The following CTNND2 variants were observed in gnomAD, a reference collection of about 807,000 sequenced individuals.
The protein encoded by CTNND2 is catenin delta 2.
CTNND2 carries 22 observed loss-of-function variants against 144.4 expected under a neutral mutation model. The observed-to-expected ratio is 0.15, with a 90% CI of 0.11 to 0.22. The LOEUF (loss-of-function observed/expected upper bound fraction) is 0.22. CTNND2 is among the 10% of genes least tolerant of loss of function. The pLI is 1.00. For synonymous variants in CTNND2, 751 were observed against 695.6 expected, an observed-to-expected ratio of 1.08 and a Z score of -1.25; for missense variants, 1,353 against 1,618.8, an observed-to-expected ratio of 0.84 and a Z score of 2.82.
chr5:11,233,915 C>T (rs75282991), intron 10 of CTNND2, among the ~76,000 whole-genome samples: 257 of 152,220 alleles, frequency 1.7e-3, no homozygotes, highest in African/African-American at 5.8e-3. Context: ...GATCAGGGTG[C>T]GCACTCAGTC....
chr5:11,374,725 A>G (rs910862323), intron 7 of CTNND2, among the ~76,000 whole-genome samples: 1 of 150,210 alleles, frequency 6.7e-6, no homozygotes, highest in East Asian at 2.0e-4. Context: ...ATTATGGATC[A>G]CTACGAATAT....
intron 10 of CTNND2, among the ~76,000 whole-genome samples, chr5:11,225,322 AC>A (rs1459061101): frequency 1.3e-5 from 2 of 151,420 alleles, no homozygotes; most frequent in African/African-American, 4.9e-5. Context: ...AAAATCCTCT[AC>A]TCCCCTCTGT....
intron 9 of CTNND2, among the ~76,000 whole-genome samples, 197 bp downstream of exon 9, chr5:11,346,175 T>C (rs909828992): frequency 1.3e-5 from 2 of 152,144 alleles, no homozygotes; most frequent in Non-Finnish European, 2.9e-5. Flanking sequence ...ATCATCTCTG[T>C]TTTTGGTGAT....
chr5:11,718,303 T>C (rs1053290129), intron 2 of CTNND2, among the ~76,000 whole-genome samples: 20 of 152,184 alleles, frequency 1.3e-4, no homozygotes, highest in African/African-American at 4.3e-4. Context: ...TAGAGTCTCC[T>C]ATCCCACCTT....
chr5:11,837,551 T>C (rs953132718), intron 1 of CTNND2, among the ~76,000 whole-genome samples: 1 of 152,164 alleles, frequency 6.6e-6, no homozygotes, highest in Non-Finnish European at 1.5e-5. Context: ...AGCTGGACAA[T>C]CACACCACTG....
chr5:11,042,908 G>T (rs1435949790), intron 16 of CTNND2, among the ~76,000 whole-genome samples: 1 of 152,084 alleles, frequency 6.6e-6, no homozygotes, highest in Admixed American at 6.5e-5. Flanking sequence ...CAAAAGCCTT[G>T]TCCCCCTTAT....
In CTNND2 at chr5:11,332,396, C is replaced by T. The variant is rs555354354; in HGVS notation, c.1628+13976G>A. Among the ~76,000 whole-genome samples the T allele has an allele frequency of 4.6e-5, 7 of 152,126 alleles. No homozygotes were observed. In the South Asian group the frequency reaches 1.0e-3, roughly 23 times the overall value. On this transcript the variant is annotated intron_variant, in intron 9 of 21. Coordinates refer to ENST00000304623, the MANE Select transcript of CTNND2 (RefSeq NM_001332.4). ...CCTCCCTGGGGATTCATCTCCTGCT[C>T]GTCCATGCAGCCTTGGTTTCTGTCT...
intron 2 of CTNND2, among the ~76,000 whole-genome samples, chr5:11,649,122 AT>A (rs1782514856): frequency 6.6e-6 from 1 of 152,192 alleles, no homozygotes; most frequent in African/African-American, 2.4e-5. Context: ...GGGTCAAAGC[AT>A]TGTATTAACA....
chr5:11,383,974 C>A (rs1336253328), intron 7 of CTNND2, among the ~76,000 whole-genome samples: 5 of 152,140 alleles, frequency 3.3e-5, no homozygotes, highest in Non-Finnish European at 7.3e-5. Flanking sequence ...GTTTCTCTCC[C>A]CAAGCCCAGC....
chr5:11,526,605 G>C (rs1160199746), intron 3 of CTNND2, among the ~76,000 whole-genome samples: 3 of 152,128 alleles, frequency 2.0e-5, no homozygotes, highest in Non-Finnish European at 4.4e-5. Flanking sequence ...TTCTAAACAT[G>C]TCTAAGCATT....
intron 13 of CTNND2, among the ~76,000 whole-genome samples, 180 bp from the exon 14 acceptor site, chr5:11,111,223 G>A (rs1409513412): frequency 6.6e-6 from 1 of 152,184 alleles, no homozygotes; most frequent in Non-Finnish European, 1.5e-5. Context: ...ACTTAGAAAG[G>A]TCTTAGGACC....
chr5:11,792,442 A>C (rs1194462074), intron 1 of CTNND2, among the ~76,000 whole-genome samples: 1 of 152,234 alleles, frequency 6.6e-6, no homozygotes, highest in Non-Finnish European at 1.5e-5. Flanking sequence ...AGTAATTCAA[A>C]AGTATTGGTT....
chr5:10,975,334 G>A (rs1455569811), intron 21 of CTNND2, among the ~76,000 whole-genome samples: 1 of 152,010 alleles, frequency 6.6e-6, no homozygotes, highest in African/African-American at 2.4e-5. Context: ...TGTTCAGCAG[G>A]GCACCCTATT....
intron 17 of CTNND2, among the ~76,000 whole-genome samples, chr5:11,018,639 G>C (rs555341482): frequency 1.4e-3 from 208 of 151,720 alleles, no homozygotes; most frequent in Non-Finnish European, 2.3e-3. Flanking sequence ...TGAGTGGTTT[G>C]GATAAAAGAT....
chr5:10,983,779 T>C (rs1737592263), intron 20 of CTNND2, among the ~76,000 whole-genome samples: 1 of 152,136 alleles, frequency 6.6e-6, no homozygotes, highest in Admixed American at 6.5e-5. Context: ...GGGTTCTGTC[T>C]CTTTCTCTGC....
chr5:11,531,974 A>G (rs181281822), intron 3 of CTNND2, among the ~76,000 whole-genome samples: 1 of 152,252 alleles, frequency 6.6e-6, no homozygotes, highest in Admixed American at 6.5e-5. Context: ...GTGCCTCCCA[A>G]ACTGTTCCCC....
At chr5:11,458,249 G>A (rs1017384518) in intron 3 of CTNND2, among the ~76,000 whole-genome samples, 1 of 152,078 alleles carries the variant, frequency 6.6e-6, no homozygotes, top group Admixed American at 6.6e-5. Flanking sequence ...GGATATGTAA[G>A]AGGAAGACAG....
intron 1 of CTNND2, among the ~76,000 whole-genome samples, chr5:11,853,593 G>A (rs1022863165): frequency 1.3e-5 from 2 of 152,186 alleles, no homozygotes; most frequent in Non-Finnish European, 2.9e-5. Flanking sequence ...TCCACTGACA[G>A]CTGGGTGCCC....
chr5:11,338,835 A>G (rs1332721213), intron 9 of CTNND2, among the ~76,000 whole-genome samples: 2 of 152,222 alleles, frequency 1.3e-5, no homozygotes, highest in African/African-American at 2.4e-5. Flanking sequence ...GAAGTTTTAT[A>G]AAACAAAAAG....
Sources: gnomAD v4.1 joint callset for allele counts (sites outside exome capture counted in the v4.1 genomes callset) on GRCh38, gnomAD v4.1.1 for gene constraint, MANE v1.5 for transcripts, NCBI Gene and HGNC (gene_info 2026-07-23, HGNC 2026-07-21) for gene names.